The following NPHP1 variants were observed in gnomAD, a reference collection of about 807,000 sequenced individuals.
NPHP1 encodes nephrocystin 1, also known as nephrocystin-1.
In NPHP1, 70 loss-of-function variants were observed where a neutral mutation model predicts 90.4. The observed-to-expected ratio is 0.77, with a 90% confidence interval of 0.64 to 0.95. NPHP1 has a LOEUF of 0.95. NPHP1 is among the 40% of genes least tolerant of loss of function. The probability of loss-of-function intolerance (pLI) is 0.00; values close to 1 mark genes in which losing one functional copy is unlikely to be tolerated. For missense variants in NPHP1, 764 were observed against 795.9 expected (o/e 0.96, Z 0.48); for synonymous variants, 256 against 271.7 (o/e 0.94, Z 0.57).
At chr2:110,139,492 G>A (rs539284218) in intron 16 of NPHP1, among the ~76,000 whole-genome samples, 17 of 152,286 alleles carry the variant, frequency 1.1e-4, no homozygotes, top group African/African-American at 3.8e-4. Context: ...GCCAAGCCCC[G>A]TGAGCAGGAC....
chr2:110,168,092 T>C (rs1001786004), intron 6 of NPHP1, among the ~76,000 whole-genome samples: 2 of 152,164 alleles, frequency 1.3e-5, no homozygotes, highest in South Asian at 4.1e-4. Flanking sequence ...CACACATGTA[T>C]AGTATGTTCA....
At chr2:110,200,926 CA>C (rs1335465305) in intron 2 of NPHP1, among the ~76,000 whole-genome samples, 2 of 152,036 alleles carry the variant, frequency 1.3e-5, no homozygotes, top group East Asian at 3.9e-4. Context: ...ATCTCAAAAA[CA>C]AAGATTATCT....
intron 17 of NPHP1, among the ~76,000 whole-genome samples, chr2:110,130,320 A>C (rs542768356): frequency 6.6e-6 from 1 of 152,280 alleles, no homozygotes; most frequent in South Asian, 2.1e-4. Context: ...TATTATTAGG[A>C]TATTTTATTC....
At chr2:110,150,581 G>A (rs1030702315) in intron 11 of NPHP1, among the ~76,000 whole-genome samples, 1 of 151,814 alleles carries the variant, frequency 6.6e-6, no homozygotes. Context: ...AAGGAGTCTC[G>A]CTCTGTCGCC....
At position 110,150,226 on chromosome 2, in the gene NPHP1, T is replaced by C. The variant is rs1221034552; in HGVS notation, c.1114A>G (p.Thr372Ala). The C allele has an allele frequency of 6.2e-7, 1 of 1,614,030 alleles. No homozygotes were observed. The highest frequency in any genetic ancestry group is 2.2e-5 in the East Asian group (1 of 44,862). The part of the protein sequence containing the change: ...VLSNIHTVRA[T>A]WQPKKPKTWT... ...GTTTTGGGCTTTTTAGGTTGCCATG[T>C]GGCTCTGACTGTATGAATGTTGCTC... The change falls in exon 12 of 20, where the codon ACA becomes GCA. Residue 372 changes from threonine to alanine, a missense_variant. By Grantham distance (58) the Thr-to-Ala change is moderately conservative. Transcript: ENST00000445609.
At chr2:110,175,194 A>C (rs1683422390) in intron 4 of NPHP1, among the ~76,000 whole-genome samples, 1 of 152,142 alleles carries the variant, frequency 6.6e-6, no homozygotes, top group Non-Finnish European at 1.5e-5. Flanking sequence ...AATGAGAATC[A>C]ACTGGATATT....
chr2:110,193,436 C>A (rs1041968615), intron 2 of NPHP1, among the ~76,000 whole-genome samples: 18 of 152,064 alleles, frequency 1.2e-4, no homozygotes, highest in Non-Finnish European at 2.5e-4. Context: ...GTAAAGGGAT[C>A]AATTCAACAA....
intron 17 of NPHP1, among the ~76,000 whole-genome samples, chr2:110,130,310 T>C (rs935921370): frequency 6.6e-6 from 1 of 152,216 alleles, no homozygotes. Context: ...ATTCTTTAGA[T>C]ATTATTAGGA....
chr2:110,184,472 C>T, intron 2 of NPHP1: 1 of 798,662 alleles, frequency 1.3e-6, no homozygotes. Context: ...CTATTTTCAT[C>T]TCCATGTAAG....
At position 110,123,931 on chromosome 2, in the gene NPHP1, T is replaced by C. The variant is rs752303904; in HGVS notation, c.1894A>G (p.Ile632Val). Residue 632 changes from isoleucine (I) to valine (V), a missense_variant, in exon 20 of 20, where the codon ATC becomes GTC. Physicochemically the swap from Ile to Val is conservative, Grantham distance 29 (BLOSUM62 3). Coordinates refer to ENST00000445609, the MANE Select transcript of NPHP1 (RefSeq NM_001128178.3). ...TGGTTTTGCTTAAGGAAGTCAGTGA[T>C]AACTTTCCACCGTGCAGTCTCAGTC... is the stretch of plus-strand genomic sequence containing the variant. Reference protein sequence around the residue: ...EETETARWKVITDFLKQNQEN... With the variant: ...EETETARWKVVTDFLKQNQEN... 1.9e-6 allele frequency: 3 copies of C among 1,614,026 alleles called. No individual in the cohort carries two copies. The highest frequency in any genetic ancestry group is 2.7e-5 in the African/African-American group (2 of 74,920).
chr2:110,179,913 T>C (rs573265975), intron 2 of NPHP1, among the ~76,000 whole-genome samples: 2 of 152,186 alleles, frequency 1.3e-5, no homozygotes, highest in South Asian at 4.2e-4. Context: ...CTTCAGTGTC[T>C]CTGGGCATCA....
rs1574117224 is a variant in NPHP1 at position 110,159,980 on chromosome 2, A to T, written c.1083+147T>A. On this transcript the variant is annotated intron_variant, in intron 11 of 19. Coordinates refer to ENST00000445609, the MANE Select transcript of NPHP1 (RefSeq NM_001128178.3). ...AACCTGTATCTCATTTAAAAAATGA[A>T]TTTTTCAAAGAGTCATTCAAATTTT... 4 of 741,092 alleles carry T rather than the reference A, an allele frequency of 5.4e-6. No homozygotes were observed. In the East Asian group the frequency reaches 8.0e-5, roughly 15 times the overall value. The allele number at this position is 741,092 out of a possible 1,614,324, so 45.9% of individuals were successfully genotyped here. A position where few individuals can be genotyped will look rare whatever the true frequency, so the allele number is the denominator to read the frequency against.
In NPHP1 at chr2:110,203,636, A is replaced by C. The variant is rs778432803; in HGVS notation, c.69+1264T>G. Among the ~76,000 whole-genome samples, 24 of 152,100 alleles carry C rather than the reference A, an allele frequency of 1.6e-4. 1 individual carries two copies. Among genetic ancestry groups the C allele is most frequent in the Non-Finnish European group, 2.4e-4 (16 of 68,028 alleles). On this transcript the variant is annotated intron_variant, in intron 1 of 19. Coordinates refer to ENST00000445609, the MANE Select transcript of NPHP1 (RefSeq NM_001128178.3). ...ATGGATAAAATATGAGCATCAGTGA[A>C]TCTCTTACCGGCCTCAGATTATAAA... is the stretch of plus-strand genomic sequence containing the variant.
chr2:110,189,394 G>T (rs1217243642), intron 2 of NPHP1, among the ~76,000 whole-genome samples: 1 of 152,124 alleles, frequency 6.6e-6, no homozygotes, highest in East Asian at 1.9e-4. Flanking sequence ...CCTTCACGGT[G>T]AGTGTTACAG....
chr2:110,193,377 C>A (rs1684895514), intron 2 of NPHP1, among the ~76,000 whole-genome samples: 2 of 151,472 alleles, frequency 1.3e-5, no homozygotes, highest in Admixed American at 1.3e-4. Flanking sequence ...ATAAAACAGA[C>A]TTTAAACCAA....
rs961501830 is a variant in NPHP1 at position 110,152,703 on chromosome 2, G to A, written c.1084-2447C>T. Among the ~76,000 whole-genome samples the A allele has an allele frequency of 3.4e-4, 51 of 151,150 alleles. 1 individual carries two copies. The East Asian group carries it at 4.5e-3, about 13-fold the overall frequency. On this transcript the variant is annotated intron_variant, in intron 11 of 19. Coordinates refer to ENST00000445609, the MANE Select transcript of NPHP1 (RefSeq NM_001128178.3). ...GCCATGACACCAGAAGCAGAACCAT[G>A]TCAACAAGTGGGCCTTTTAATGGAT...
chr2:110,167,582 T>C (rs1458643774), intron 6 of NPHP1, among the ~76,000 whole-genome samples: 1 of 152,122 alleles, frequency 6.6e-6, no homozygotes, highest in Non-Finnish European at 1.5e-5. Flanking sequence ...CTGAGTTGCA[T>C]CCTTTATAAT....
intron 15 of NPHP1, 129 bp from the exon 16 acceptor site, chr2:110,143,770 A>G: frequency 1.4e-6 from 1 of 709,606 alleles, no homozygotes; most frequent in African/African-American, 1.7e-5. Context: ...AGAGTCATCC[A>G]TATACCCTAA....
intron 11 of NPHP1, among the ~76,000 whole-genome samples, chr2:110,151,666 G>T (rs1023492128): frequency 3.3e-5 from 5 of 151,960 alleles, no homozygotes; most frequent in African/African-American, 1.2e-4. Context: ...CACTTCCTTC[G>T]ATTGCTAATA....
Sources: gnomAD v4.1 joint callset for allele counts (sites outside exome capture counted in the v4.1 genomes callset) on GRCh38, gnomAD v4.1.1 for gene constraint, MANE v1.5 for transcripts, NCBI Gene and HGNC (gene_info 2026-07-23, HGNC 2026-07-21) for gene names.